Variants in MYO6 observed in about 807,000 individuals in gnomAD.
MYO6 encodes myosin VI.
A neutral mutation model predicts 178.7 loss-of-function variants in MYO6; 74 were observed. That is an observed-to-expected ratio of 0.41 (90% CI 0.34 to 0.50). The LOEUF (loss-of-function observed/expected upper bound fraction) is 0.50, where lower values mean the gene tolerates loss of function less well. MYO6 is among the 20% of genes least tolerant of loss of function. The pLI is 0.09. For synonymous variants in MYO6, 477 were observed against 504.6 expected (o/e 0.95, Z 0.73); for missense variants, 1,330 against 1,547.4 (o/e 0.86, Z 2.36).
chr6:75,788,579 G>A (rs925371348), intron 1 of MYO6, among the ~76,000 whole-genome samples: 1 of 152,104 alleles, frequency 6.6e-6, no homozygotes, highest in African/African-American at 2.4e-5. Flanking sequence ...GGGGATATCC[G>A]ATTCATGTAA....
Position 75,918,205 on chromosome 6 carries a change from A to G in MYO6, c.*3193A>G, listed in dbSNP as rs1469419839. ...TTCCCTATTTATCATTACCAATAATAACAAGTATTGAGAGTTTTAAAATTT... is the reference window on the plus strand; with the variant it reads ...TTCCCTATTTATCATTACCAATAATGACAAGTATTGAGAGTTTTAAAATTT... On this transcript the variant is annotated 3_prime_UTR_variant, in exon 35 of 35. Coordinates refer to ENST00000369977, the MANE Select transcript of MYO6 (RefSeq NM_004999.4). 3 of 152,216 alleles carry G rather than the reference A, an allele frequency of 2.0e-5. No individual in the cohort carries two copies. The highest frequency in any genetic ancestry group is 4.4e-5 in the Non-Finnish European group (3 of 68,038). 9.4% of individuals were successfully genotyped at this position (152,216 alleles called of 1,614,324 possible).
At chr6:75,766,097 C>T (rs9447544) in intron 1 of MYO6, among the ~76,000 whole-genome samples, 8,330 of 152,132 alleles carry the variant, frequency 0.055, 501 homozygotes, top group African/African-American at 0.15. Flanking sequence ...CCGAGGCGGG[C>T]AGATCACTTG....
chr6:75,896,842 T>TA (rs1779346455), intron 29 of MYO6, among the ~76,000 whole-genome samples: 2 of 152,246 alleles, frequency 1.3e-5, no homozygotes, highest in African/African-American at 2.4e-5. Context: ...GCTTTATAGT[T>TA]ACCATTTGAG....
At chr6:75,889,854 C>T (rs1271526847) in intron 25 of MYO6, among the ~76,000 whole-genome samples, 2 of 152,114 alleles carry the variant, frequency 1.3e-5, no homozygotes, top group Non-Finnish European at 2.9e-5. Context: ...AGATAACGGA[C>T]GTATTGCTTA....
intron 1 of MYO6, among the ~76,000 whole-genome samples, chr6:75,776,860 C>G (rs1766441996): frequency 1.3e-5 from 2 of 152,064 alleles, no homozygotes; most frequent in African/African-American, 4.8e-5. Flanking sequence ...CATGAAAGAT[C>G]TTGTACTCCA....
At chr6:75,765,170 C>CT (rs71002762) in intron 1 of MYO6, among the ~76,000 whole-genome samples, 2,455 of 57,824 alleles carry the variant, frequency 0.042, 126 homozygotes, top group Non-Finnish European at 0.053. Flanking sequence ...AAAAAAAAAG[C>CT]TTTTTTTTTT....
chr6:75,820,280 CCTT>C (rs1771737869), intron 2 of MYO6, among the ~76,000 whole-genome samples: 1 of 152,148 alleles, frequency 6.6e-6, no homozygotes, highest in Non-Finnish European at 1.5e-5. Flanking sequence ...AGTATTAAGT[CCTT>C]ACCATACCCC....
At chr6:75,854,774 C>T (rs1775592118) in intron 11 of MYO6, among the ~76,000 whole-genome samples, 1 of 152,068 alleles carries the variant, frequency 6.6e-6, no homozygotes, top group South Asian at 2.1e-4. Flanking sequence ...CTTGAAATTT[C>T]TTGAAGTCAT....
intron 1 of MYO6, among the ~76,000 whole-genome samples, chr6:75,788,505 GA>G (rs1165641272): frequency 6.6e-6 from 1 of 152,062 alleles, no homozygotes; most frequent in East Asian, 1.9e-4. Flanking sequence ...AGCAGATCCT[GA>G]AAAAAACGAT....
intron 1 of MYO6, among the ~76,000 whole-genome samples, chr6:75,782,784 C>G (rs566298783): frequency 6.6e-6 from 1 of 152,126 alleles, no homozygotes; most frequent in African/African-American, 2.4e-5. Flanking sequence ...AACAAATTCT[C>G]TCTGTCTGGC....
chr6:75,830,695 G>C, intron 5 of MYO6, 150 bp downstream of exon 5: 1 of 772,804 alleles, frequency 1.3e-6, no homozygotes, highest in Non-Finnish European at 2.1e-6. Flanking sequence ...ACATTGTTAG[G>C]AGCAAGTATT....
chr6:75,859,123 G>A, intron 14 of MYO6, 130 bp downstream of exon 14: 1 of 682,732 alleles, frequency 1.5e-6, no homozygotes, highest in Non-Finnish European at 2.5e-6. Flanking sequence ...CAGGGAATCT[G>A]GGAAGCCCAG....
chr6:75,803,458 A>G (rs1769689972), intron 1 of MYO6, among the ~76,000 whole-genome samples: 1 of 152,210 alleles, frequency 6.6e-6, no homozygotes, highest in Non-Finnish European at 1.5e-5. Flanking sequence ...CATCAGGACC[A>G]GGGCCATAAT....
chr6:75,775,388 G>A (rs1766280960), intron 1 of MYO6, among the ~76,000 whole-genome samples: 2 of 152,206 alleles, frequency 1.3e-5, no homozygotes, highest in Non-Finnish European at 2.9e-5. Flanking sequence ...TTCTGGCACT[G>A]GGGGGTTGGG....
chr6:75,779,843 A>C (rs1413171721), intron 1 of MYO6, among the ~76,000 whole-genome samples: 1 of 152,162 alleles, frequency 6.6e-6, no homozygotes, highest in East Asian at 1.9e-4. Flanking sequence ...TTGTTGCTGT[A>C]GCTTGTTACA....
In MYO6 at chr6:75,771,156, C is replaced by T. The variant is rs1003780022; in HGVS notation, c.-48+21733C>T. Among the ~76,000 whole-genome samples the T allele has an allele frequency of 7.2e-5, 11 of 152,134 alleles. No homozygotes were observed. In the South Asian group the frequency reaches 1.2e-3, roughly 17 times the overall value. ...AGCTGGGACTAGAGGCTCATGCCAC[C>T]GCGCCTGGCTAATTTTTGTATTTTT... On this transcript the variant is annotated intron_variant, in intron 1 of 34. Transcript: ENST00000369977.
rs373519764 is a variant in MYO6, at chr6:75,855,240, G to A, written c.1180G>A (p.Val394Ile). The A allele has an allele frequency of 4.9e-5, 79 of 1,613,646 alleles. No individual in the cohort carries two copies. Among genetic ancestry groups the A allele is most frequent in the East Asian group, 3.8e-4 (17 of 44,828 alleles). ...TCTTCGAGTAAGTTTGACCACAAGA[G>A]TCATGCTAACAACAGCAGGGGGCAC... ...DDLRVSLTTR[V>I]MLTTAGGTKG... The change falls in exon 12 of 35, where the codon GTC (valine) becomes ATC (isoleucine). Residue 394 changes from valine (V) to isoleucine (I), a missense_variant. Physicochemically the swap from Val to Ile is conservative, Grantham distance 29. Around this residue, in one of 3 missense-constraint regions of MYO6, gnomAD observed 613 missense variants for 816.8 expected, o/e 0.75. Transcript: ENST00000369977.
intron 34 of MYO6, 66 bp from the exon 35 acceptor site, chr6:75,914,747 C>G: frequency 5.6e-6 from 8 of 1,423,920 alleles, no homozygotes; most frequent in Non-Finnish European, 7.9e-6. Flanking sequence ...GTATTTCAGG[C>G]ATACAACTGG....
intron 30 of MYO6, among the ~76,000 whole-genome samples, chr6:75,904,721 C>T (rs1008599863): frequency 1.3e-5 from 2 of 152,212 alleles, no homozygotes; most frequent in East Asian, 1.9e-4. Context: ...GCCTTCTTCT[C>T]TCAGCTCGTC....
Sources: allele counts gnomAD v4.1 joint callset (sites outside exome capture counted in the v4.1 genomes callset), GRCh38; gene constraint gnomAD v4.1.1; regional missense constraint gnomAD v4.1.1; transcripts MANE v1.5; gene names NCBI Gene and HGNC (gene_info 2026-07-23, HGNC 2026-07-21).